The following CD200 variants were observed in gnomAD, a reference collection of about 807,000 sequenced individuals.
CD200 encodes OX-2 membrane glycoprotein.
A neutral mutation model predicts 30.9 loss-of-function variants in CD200; 15 were observed. That is an observed-to-expected ratio of 0.49 (90% CI 0.32 to 0.75). The LOEUF is 0.75. CD200 is among the 30% of genes least tolerant of loss of function. CD200 has a pLI of 0.03. For missense variants in CD200, 262 were observed against 324.2 expected (o/e 0.81, Z 1.47); for synonymous variants, 134 against 126.2 (o/e 1.06, Z -0.41).
chr3:112,356,990 G>C (rs916871361), intron 5 of CD200, among the ~76,000 whole-genome samples: 1 of 152,154 alleles, frequency 6.6e-6, no homozygotes, highest in African/African-American at 2.4e-5. Flanking sequence ...GGCCGGGCGC[G>C]GTGGCTCACG....
chr3:112,345,154 T>C lies in CD200; in HGVS notation c.287T>C (p.Ile96Thr), dbSNP rs2081355076. The C allele has an allele frequency of 6.2e-7, 1 of 1,613,926 alleles. No homozygotes were observed. Among genetic ancestry groups the C allele is most frequent in the African/African-American group, 1.3e-5 (1 of 74,886 alleles). ...CCTGCCTATAAGGACAAGATAAACATTACCCAGCTGGGACTCCAAAACTCA... is the reference window on the plus strand; with the variant it reads ...CCTGCCTATAAGGACAAGATAAACACTACCCAGCTGGGACTCCAAAACTCA... Reference protein sequence around the residue: ...IQPAYKDKINITQLGLQNSTI... With the variant: ...IQPAYKDKINTTQLGLQNSTI... The change falls in exon 3 of 6, where the codon ATT (isoleucine) becomes ACT (threonine). Residue 96 changes from isoleucine to threonine, a missense_variant. Ile to Thr is a moderately conservative substitution (Grantham distance 89, BLOSUM62 -1). Transcript: ENST00000315711.
intron 1 of CD200, among the ~76,000 whole-genome samples, chr3:112,335,279 G>A (rs781753971): frequency 6.6e-6 from 1 of 152,122 alleles, no homozygotes; most frequent in Non-Finnish European, 1.5e-5. Context: ...GATCTTTGTA[G>A]GCTGTATGTA....
chr3:112,333,131 GTGAC>G, upstream of CD200: 7 of 1,538,672 alleles, frequency 4.5e-6, no homozygotes, highest in South Asian at 6.0e-5. Context: ...AGGGGCACAG[GTGAC>G]GCTCCTCCCG....
At chr3:112,355,599 C>T (rs1404637852) in intron 5 of CD200, among the ~76,000 whole-genome samples, 1 of 152,074 alleles carries the variant, frequency 6.6e-6, no homozygotes, top group Non-Finnish European at 1.5e-5. Flanking sequence ...GGTCTTTCCC[C>T]GCTTATCATA....
intron 2 of CD200, 143 bp downstream of exon 2, chr3:112,341,126 C>T (rs2081230077): frequency 2.2e-5 from 11 of 490,702 alleles, no homozygotes; most frequent in Non-Finnish European, 3.6e-5. Flanking sequence ...GAGGAGTGGA[C>T]GTGGTTCTTT....
intron 2 of CD200, among the ~76,000 whole-genome samples, chr3:112,342,333 CTTT>C (rs2081267669): frequency 4.7e-5 from 1 of 21,070 alleles, no homozygotes; most frequent in African/African-American, 2.3e-4. Context: ...TTCTTTCTTT[CTTT>C]CCTTCTTTCT....
In CD200 at chr3:112,361,677, T is replaced by C. The variant is rs1040999956; in HGVS notation, c.*127T>C. ...AGCAAAAGAGGTGGGAGCGAAAGCC[T>C]TAAGGATCCCACGACTTTTTACTGC... On this transcript the variant is annotated 3_prime_UTR_variant, in exon 6 of 6. Transcript: ENST00000315711. 3 of 868,950 alleles carry C rather than the reference T, an allele frequency of 3.5e-6. No individual in the cohort carries two copies. Among genetic ancestry groups the C allele is most frequent in the Middle Eastern group, 2.2e-4 (1 of 4,522 alleles). 53.8% of individuals were successfully genotyped at this position (868,950 alleles called of 1,614,324 possible). A position where few individuals can be genotyped will look rare whatever the true frequency, so the allele number is the denominator to read the frequency against.
At chr3:112,359,522 A>G (rs1051819424) in intron 5 of CD200, among the ~76,000 whole-genome samples, 4 of 152,240 alleles carry the variant, frequency 2.6e-5, no homozygotes, top group African/African-American at 7.2e-5. Context: ...TCATGAGACA[A>G]AAGGACTAGA....
chr3:112,352,737 C>A (rs1489755339), intron 5 of CD200, among the ~76,000 whole-genome samples: 1 of 152,130 alleles, frequency 6.6e-6, no homozygotes, highest in African/African-American at 2.4e-5. Context: ...GGGTAAATGA[C>A]CAAAACAGAA....
chr3:112,333,785 T>C, intron 1 of CD200: 1 of 985,422 alleles, frequency 1.0e-6, no homozygotes, highest in Non-Finnish European at 1.2e-6. Flanking sequence ...GAAGGATCAG[T>C]TAAAGCTGAA....
intron 5 of CD200, among the ~76,000 whole-genome samples, chr3:112,361,049 T>C (rs1192142750): frequency 6.6e-6 from 1 of 152,148 alleles, no homozygotes; most frequent in Non-Finnish European, 1.5e-5. Flanking sequence ...GTTTTGTTGT[T>C]TTTAGAGATA....
At chr3:112,338,394 G>T (rs577291533) in intron 1 of CD200, among the ~76,000 whole-genome samples, 75 of 152,092 alleles carry the variant, frequency 4.9e-4, no homozygotes, top group Admixed American at 2.9e-3. Context: ...ATTCCTTCAT[G>T]TTTTTTTTAT....
chr3:112,336,525 C>T lies in CD200; in HGVS notation c.12+3301C>T, dbSNP rs11923108. On this transcript the variant is annotated intron_variant, in intron 1 of 5. Transcript: ENST00000315711. ...AATAGGGCTTAGTTAAGGCAAACAC[C>T]GAGAATGAGGGGATGGGATTCCCAC... 6.2e-3 allele frequency among the ~76,000 whole-genome samples: 945 copies of T among 151,810 alleles called. 9 individuals carry two copies. The highest frequency in any genetic ancestry group is 0.022 in the African/African-American group (903 of 41,378).
upstream of CD200, chr3:112,333,026 T>TC (rs1314656597): frequency 6.9e-6 from 5 of 729,746 alleles, no homozygotes; most frequent in Non-Finnish European, 1.1e-5. Flanking sequence ...ATCATTTAAT[T>TC]CCCCCCACAC....
rs1559783089 is a variant in CD200, at chr3:112,342,329, CTTTCTTTCCTT to C, written c.94+1347_94+1357del. Among the ~76,000 whole-genome samples the C allele has an allele frequency of 7.6e-3, 202 of 26,454 alleles. 50 individuals carry two copies. The highest frequency in any genetic ancestry group is 0.053 in the Middle Eastern group (2 of 38). 17.4% of individuals were successfully genotyped at this position (26,454 alleles called of 152,430 possible). On this transcript the variant is annotated intron_variant, in intron 2 of 5. Coordinates refer to ENST00000315711, the MANE Select transcript of CD200 (RefSeq NM_005944.7). ...TCCTTTCTTCTTTCTTTCTTTCTTT[CTTTCTTTCCTT>C]CTTTCTTTCTTTCTTTCTTTCTTTC... is the stretch of plus-strand genomic sequence containing the variant.
Position 112,345,198 on chromosome 3 carries a change from A to G in CD200, c.331A>G (p.Ile111Val). The change falls in exon 3 of 6, where the codon ATC becomes GTC. Residue 111 changes from isoleucine (I) to valine (V), a missense_variant. By Grantham distance (29) the Ile-to-Val change is conservative (BLOSUM62 3). Coordinates refer to ENST00000315711, the MANE Select transcript of CD200 (RefSeq NM_005944.7). ...AAACTCAACCATCACCTTCTGGAAT[A>G]TCACCCTGGAGGATGAAGGGTGTTA... ...LQNSTITFWN[I>V]TLEDEGCYMC... 6.2e-7 allele frequency: 1 copy of G among 1,614,150 alleles called. No homozygotes were observed. Among genetic ancestry groups the G allele is most frequent in the East Asian group, 2.2e-5 (1 of 44,886 alleles).
intron 1 of CD200, among the ~76,000 whole-genome samples, chr3:112,337,892 A>G (rs1207678189): frequency 7.2e-5 from 11 of 152,218 alleles, no homozygotes; most frequent in Non-Finnish European, 1.3e-4. Flanking sequence ...ATATCCTCCC[A>G]TATATATAAA....
In CD200 at chr3:112,356,322, T is replaced by A. The variant is rs756940052; in HGVS notation, c.803-5221T>A. ...TACACAATTGTCTTTTAATCTTTTT[T>A]AAAAATATTACTTATTATGAATTTT... On this transcript the variant is annotated intron_variant, in intron 5 of 5. Transcript: ENST00000315711. Among the ~76,000 whole-genome samples the A allele has an allele frequency of 5.3e-4, 79 of 149,240 alleles. No individual in the cohort carries two copies. In the Middle Eastern group the frequency reaches 0.01, roughly 19 times the overall value.
chr3:112,334,107 T>C, intron 1 of CD200: 1 of 985,402 alleles, frequency 1.0e-6, no homozygotes, highest in South Asian at 4.7e-5. Flanking sequence ...TACTGCAAGC[T>C]AGATGCTGTT....
Sources: allele counts gnomAD v4.1 joint callset (sites outside exome capture counted in the v4.1 genomes callset), GRCh38; gene constraint gnomAD v4.1.1; transcripts MANE v1.5; gene names NCBI Gene and HGNC (gene_info 2026-07-23, HGNC 2026-07-21).